The following PTPRE variants were observed in gnomAD, a reference collection of about 807,000 sequenced individuals.
PTPRE encodes protein tyrosine phosphatase receptor type E, also known as receptor-type tyrosine-protein phosphatase epsilon.
Under a neutral mutation model 102.0 loss-of-function variants are expected in PTPRE, and 51 were observed. The observed-to-expected ratio is 0.50, with a 90% CI of 0.40 to 0.63. The LOEUF is 0.63. Among genes scored for constraint, PTPRE ranks in the 30% least tolerant of loss-of-function variants. The pLI is 0.00. For missense variants in PTPRE, 752 were observed against 915.1 expected, an observed-to-expected ratio of 0.82 and a Z score of 2.30; for synonymous variants, 345 against 348.2, an observed-to-expected ratio of 0.99 and a Z score of 0.10.
In PTPRE at chr10:128,016,847, C is replaced by T. The variant is rs117488406; in HGVS notation, c.-7-24028C>T. Reference sequence around the variant, plus strand: ...TGGCTGAGGCACAGCAGCTTCCTGCCTTCCTGCCGGGGAGACCTGTGGCCG... The same window carrying T: ...TGGCTGAGGCACAGCAGCTTCCTGCTTTCCTGCCGGGGAGACCTGTGGCCG... On this transcript the variant is annotated intron_variant, in intron 2 of 20. Transcript: ENST00000254667. Among the ~76,000 whole-genome samples, 1,076 of 152,366 alleles carry T rather than the reference C, an allele frequency of 7.1e-3. 10 individuals carry two copies. Among genetic ancestry groups the T allele is most frequent in the South Asian group, 0.028 (135 of 4,834 alleles).
chr10:128,074,787 G>A lies in PTPRE; in HGVS notation c.1599+1316G>A, dbSNP rs373932584. On this transcript the variant is annotated intron_variant, in intron 17 of 20. Coordinates refer to ENST00000254667, the MANE Select transcript of PTPRE (RefSeq NM_006504.6). ...ACTAGGAGCGGAATTGCTAGGTCAC[G>A]TCATAACTCTATGTCATAAACTTAC... is the stretch of plus-strand genomic sequence containing the variant. Among the ~76,000 whole-genome samples, 9 of 152,122 alleles carry A rather than the reference G, an allele frequency of 5.9e-5. No homozygotes were observed. In the South Asian group the frequency reaches 6.2e-4, roughly 10 times the overall value.
chr10:127,975,601 A>G (rs1025543316), intron 1 of PTPRE, among the ~76,000 whole-genome samples: 6 of 152,134 alleles, frequency 3.9e-5, no homozygotes, highest in Admixed American at 1.3e-4. Context: ...TGTGTTTCCA[A>G]TTGGCACGCT....
intron 2 of PTPRE, among the ~76,000 whole-genome samples, chr10:128,017,033 A>G (rs941918072): frequency 1.3e-5 from 2 of 152,204 alleles, no homozygotes; most frequent in African/African-American, 4.8e-5. Flanking sequence ...AGACCTCGTC[A>G]TGCACACGCA....
chr10:128,025,051 C>T (rs561144414), intron 2 of PTPRE, among the ~76,000 whole-genome samples: 1 of 147,800 alleles, frequency 6.8e-6, no homozygotes, highest in Admixed American at 6.9e-5. Flanking sequence ...TCCAGCTACT[C>T]AGGAGGCTGA....
chr10:128,079,282 A>G (rs1477664855), intron 19 of PTPRE, among the ~76,000 whole-genome samples: 2 of 152,194 alleles, frequency 1.3e-5, no homozygotes, highest in Non-Finnish European at 2.9e-5. Context: ...AAGAGGGGAA[A>G]TGGTGATACT....
chr10:127,916,962 G>A (rs147907980), intron 1 of PTPRE, among the ~76,000 whole-genome samples: 10 of 152,084 alleles, frequency 6.6e-5, no homozygotes, highest in East Asian at 1.9e-4. Context: ...CCCTTTGTGC[G>A]GCCTGGCCAG....
chr10:128,024,350 C>G (rs749218411), intron 2 of PTPRE, among the ~76,000 whole-genome samples: 1 of 152,114 alleles, frequency 6.6e-6, no homozygotes, highest in African/African-American at 2.4e-5. Flanking sequence ...AGCCATTGGG[C>G]TTGTTGGTTG....
In PTPRE at chr10:128,085,516, G is replaced by A. The variant is rs12768414; in HGVS notation, c.*2610G>A. 16,644 of 152,878 alleles carry A rather than the reference G, an allele frequency of 0.11. 1,060 individuals carry two copies. Among genetic ancestry groups the A allele is most frequent in the African/African-American group, 0.16 (6,491 of 41,498 alleles). The allele number at this position is 152,878 out of a possible 1,614,324, so 9.5% of individuals were successfully genotyped here. A position where few individuals can be genotyped will look rare whatever the true frequency, so the allele number is the denominator to read the frequency against. ...CTATATGAATGAAGAATGCATACCA[G>A]TGTTTTAAAAGGTATTTTTATGTGT... On this transcript the variant is annotated 3_prime_UTR_variant, in exon 21 of 21. Coordinates refer to ENST00000254667, the MANE Select transcript of PTPRE (RefSeq NM_006504.6).
intron 1 of PTPRE, among the ~76,000 whole-genome samples, chr10:127,925,549 A>G (rs1416225316): frequency 9.9e-5 from 15 of 152,218 alleles, no homozygotes; most frequent in Admixed American, 9.8e-4. Context: ...CTCAGAAAAC[A>G]GGGAGGAGCC....
In PTPRE at chr10:128,066,117, T is replaced by A; in HGVS notation, c.766T>A (p.Tyr256Asn). 1 of 1,614,246 alleles carries A rather than the reference T, an allele frequency of 6.2e-7. No homozygotes were observed. Among genetic ancestry groups the A allele is most frequent in the Admixed American group, 1.7e-5 (1 of 60,028 alleles). Residue 256 changes from tyrosine (Y) to asparagine (N), a missense_variant, in exon 11 of 21, where the codon TAT becomes AAT. Physicochemically the swap from Tyr to Asn is moderately radical, Grantham distance 143. Coordinates refer to ENST00000254667, the MANE Select transcript of PTPRE (RefSeq NM_006504.6). ...QYWPDQGCWT[Y>N]GNIRVCVEDC... The stretch of plus-strand genomic sequence containing the variant: ...CTGGCCCGACCAAGGCTGCTGGACC[T>A]ATGGAAACATCCGGGTGTGCGTGGA...
intron 1 of PTPRE, among the ~76,000 whole-genome samples, chr10:127,937,485 C>G (rs1027408895): frequency 3.9e-5 from 6 of 151,964 alleles, no homozygotes; most frequent in Non-Finnish European, 2.9e-5. Context: ...AAACAGAGGC[C>G]CCAGGGTTGT....
At chr10:127,985,355 G>A (rs1851995625) in intron 2 of PTPRE, among the ~76,000 whole-genome samples, 1 of 152,282 alleles carries the variant, frequency 6.6e-6, no homozygotes, top group East Asian at 1.9e-4. Flanking sequence ...GGCCAAGGCA[G>A]GTGGATCATT....
chr10:128,065,415 C>T (rs1012944012), intron 10 of PTPRE, among the ~76,000 whole-genome samples: 9 of 152,122 alleles, frequency 5.9e-5, no homozygotes, highest in African/African-American at 1.9e-4. Context: ...GTGCTGCGGG[C>T]GGTGCTGCAA....
intron 2 of PTPRE, among the ~76,000 whole-genome samples, chr10:128,009,640 C>T (rs542999537): frequency 1.3e-5 from 2 of 152,298 alleles, no homozygotes; most frequent in African/African-American, 2.4e-5. Context: ...GAGCTCGGGT[C>T]GTCCTGAACT....
rs1021193247 is a variant in PTPRE, at chr10:128,028,377, A to G, written c.-7-12498A>G. Among the ~76,000 whole-genome samples the G allele has an allele frequency of 6.6e-6, 1 of 152,072 alleles. No individual in the cohort carries two copies. Among genetic ancestry groups the G allele is most frequent in the African/African-American group, 2.4e-5 (1 of 41,414 alleles). ...CGGGGATTAGGACCTGAAGGATATCATTGAGCCCGCGCCCGCCCCAGGCTG... is the reference window on the plus strand; with the variant it reads ...CGGGGATTAGGACCTGAAGGATATCGTTGAGCCCGCGCCCGCCCCAGGCTG... On this transcript the variant is annotated intron_variant, in intron 2 of 20. Coordinates refer to ENST00000254667, the MANE Select transcript of PTPRE (RefSeq NM_006504.6). The surrounding 1 kb of genome is among the most constrained non-coding windows in gnomAD (Gnocchi z 4.5).
At chr10:128,027,190 G>T (rs10764735) in intron 2 of PTPRE, among the ~76,000 whole-genome samples, 27,440 of 152,212 alleles carry the variant, frequency 0.18, 2,739 homozygotes, top group East Asian at 0.37. Context: ...TGTGTACTCA[G>T]TGCCCAGAAA....
intron 10 of PTPRE, among the ~76,000 whole-genome samples, chr10:128,065,474 G>A (rs1163542982): frequency 6.6e-6 from 1 of 152,194 alleles, no homozygotes; most frequent in South Asian, 2.1e-4. Context: ...TTGCTTCAGA[G>A]GTCGGGAAGG....
rs1209276214 is a variant in PTPRE, at chr10:127,907,249, C to A, written c.-91C>A. 2.0e-6 allele frequency: 2 copies of A among 984,394 alleles called. No individual in the cohort carries two copies. Among genetic ancestry groups the A allele is most frequent in the Non-Finnish European group, 2.4e-6 (2 of 829,634 alleles). 61.0% of individuals were successfully genotyped at this position (984,394 alleles called of 1,614,324 possible). On this transcript the variant is annotated 5_prime_UTR_variant, in exon 1 of 21. Transcript: ENST00000254667. The surrounding 1 kb of genome is among the most constrained non-coding windows in gnomAD (Gnocchi z 4.8). ...CGCCCCGGAGGGCGGCGGGCAGGCG[C>A]CCGGGAGATGCGGAGCCTCCGCTGC... is the stretch of plus-strand genomic sequence containing the variant.
intron 1 of PTPRE, among the ~76,000 whole-genome samples, chr10:127,909,015 T>A (rs571669059): frequency 6.6e-6 from 1 of 152,326 alleles, no homozygotes; most frequent in South Asian, 2.1e-4. Flanking sequence ...AGGCCCTGTG[T>A]GGACACAAAG....
Sources: gnomAD v4.1 joint callset for allele counts (sites outside exome capture counted in the v4.1 genomes callset) on GRCh38, gnomAD v4.1.1 for gene constraint, Gnocchi (gnomAD v3.1) non-coding constraint, MANE v1.5 for transcripts, NCBI Gene and HGNC (gene_info 2026-07-23, HGNC 2026-07-21) for gene names.